NUP50: variants seen among roughly 807,000 people sequenced by gnomAD.
NUP50 encodes nuclear pore complex protein Nup50.
A neutral mutation model predicts 36.8 loss-of-function variants in NUP50; 14 were observed. The observed-to-expected ratio is 0.38, with a 90% CI of 0.25 to 0.59. NUP50 has a LOEUF of 0.59. Among genes scored for constraint, NUP50 ranks in the 20% least tolerant of loss-of-function variants. The pLI is 0.63. For synonymous variants in NUP50, 195 were observed against 210.8 expected, an observed-to-expected ratio of 0.93 and a Z score of 0.65; for missense variants, 455 against 564.6, an observed-to-expected ratio of 0.81 and a Z score of 1.97.
intron 1 of NUP50, among the ~76,000 whole-genome samples, chr22:45,165,448 A>G (rs1476776764): frequency 1.3e-5 from 2 of 152,184 alleles, no homozygotes; most frequent in Admixed American, 6.5e-5. Flanking sequence ...TTATTTTCGT[A>G]GAGACCAAGT....
At chr22:45,169,020 G>A (rs1186559166) in intron 2 of NUP50, among the ~76,000 whole-genome samples, 1 of 149,602 alleles carries the variant, frequency 6.7e-6, no homozygotes, top group Non-Finnish European at 1.5e-5. Context: ...TCCTGCCTCA[G>A]CCTCCCGAGT....
At position 45,184,305 on chromosome 22, in the gene NUP50, G is replaced by A. The variant is rs1415602577; in HGVS notation, c.1205-148G>A. 4 of 728,746 alleles carry A rather than the reference G, an allele frequency of 5.5e-6. No homozygotes were observed. In the East Asian group the frequency reaches 1.1e-4, roughly 20 times the overall value. 45.1% of individuals were successfully genotyped at this position (728,746 alleles called of 1,614,324 possible). On this transcript the variant is annotated intron_variant, in intron 7 of 7. Coordinates refer to ENST00000347635, the MANE Select transcript of NUP50 (RefSeq NM_007172.4). Reference sequence around the variant, plus strand: ...TCCCCGAGGCCTCCCAGTTCTCAGGGAACCAGTCCTGATTTTGTGCTGTCC... The same window carrying A: ...TCCCCGAGGCCTCCCAGTTCTCAGGAAACCAGTCCTGATTTTGTGCTGTCC...
At chr22:45,165,856 G>A (rs1052816988) in intron 1 of NUP50, 7 of 152,190 alleles carry the variant, frequency 4.6e-5, no homozygotes, top group African/African-American at 1.4e-4. Flanking sequence ...AATACTTCCT[G>A]TTCCACAGAT....
chr22:45,175,948 G>A lies in NUP50; in HGVS notation c.208G>A (p.Gly70Arg). 6.2e-7 allele frequency: 1 copy of A among 1,614,146 alleles called. No homozygotes were observed. Among genetic ancestry groups the A allele is most frequent in the Non-Finnish European group, 8.5e-7 (1 of 1,180,026 alleles). ...GFKGLVVPSG[G>R]GRFSGFGSGA... ...TAAAGGTTTGGTGGTACCTTCTGGA[G>A]GAGGACGCTTTTCTGGATTTGGTAG... The change falls in exon 4 of 8, where the codon GGA becomes AGA. Residue 70 changes from glycine to arginine, a missense_variant. By Grantham distance (125) the Gly-to-Arg change is moderately radical. Around this residue, in one of 3 missense-constraint regions of NUP50, gnomAD observed 166 missense variants for 202.8 expected, o/e 0.82. Coordinates refer to ENST00000347635, the MANE Select transcript of NUP50 (RefSeq NM_007172.4).
intron 6 of NUP50, among the ~76,000 whole-genome samples, chr22:45,182,964 AGGAG>A (rs1404604879): frequency 2.7e-5 from 4 of 150,182 alleles, no homozygotes; most frequent in African/African-American, 4.9e-5. Flanking sequence ...CAAAAAAAAA[AGGAG>A]GGAGAGGTGG....
At chr22:45,165,229 T>C (rs2074077148) in intron 1 of NUP50, among the ~76,000 whole-genome samples, 1 of 152,178 alleles carries the variant, frequency 6.6e-6, no homozygotes, top group African/African-American at 2.4e-5. Flanking sequence ...ACGCAAACGT[T>C]TTTTAAATTC....
intron 1 of NUP50, among the ~76,000 whole-genome samples, chr22:45,165,504 G>C (rs2074081491): frequency 6.6e-6 from 1 of 152,172 alleles, no homozygotes; most frequent in Non-Finnish European, 1.5e-5. Context: ...CCTCCCTTAA[G>C]TTCTTCATAA....
intron 5 of NUP50, among the ~76,000 whole-genome samples, chr22:45,180,952 TC>T (rs1339849694): frequency 6.6e-6 from 1 of 152,184 alleles, no homozygotes. Context: ...GATGGAATTT[TC>T]CAGTGGGTAA....
intron 5 of NUP50, 146 bp from the exon 6 acceptor site, chr22:45,181,140 C>T: frequency 1.3e-5 from 2 of 158,230 alleles, no homozygotes; most frequent in Middle Eastern, 2.5e-3. Context: ...TGGCATCCCC[C>T]CCCCCCCCCA....
intron 1 of NUP50, 33 bp from the exon 2 acceptor site, chr22:45,168,135 G>GA: frequency 6.7e-7 from 1 of 1,484,374 alleles, no homozygotes; most frequent in Non-Finnish European, 9.3e-7. Context: ...TATTCTTCTA[G>GA]AAAAATAAAC....
At chr22:45,181,400 T>G in intron 6 of NUP50, 33 bp downstream of exon 6, 5 of 1,421,576 alleles carry the variant, frequency 3.5e-6, no homozygotes, top group Non-Finnish European at 4.8e-6. Flanking sequence ...GGCGCATGTG[T>G]TTTGCAGGCA....
At chr22:45,176,741 G>T (rs2074282461) in intron 4 of NUP50, among the ~76,000 whole-genome samples, 2 of 152,138 alleles carry the variant, frequency 1.3e-5, no homozygotes. Flanking sequence ...GTTAAGTTTT[G>T]TTGTTGTTGT....
intron 7 of NUP50, chr22:45,183,918 G>A (rs1375683872): frequency 4.7e-6 from 1 of 214,328 alleles, no homozygotes; most frequent in African/African-American, 2.3e-5. Context: ...CGGAGGAGGA[G>A]GAAGACGGGG....
chr22:45,184,751 A>G lies in NUP50; in HGVS notation c.*96A>G, dbSNP rs955410573. 8.1e-6 allele frequency: 7 copies of G among 867,348 alleles called. No homozygotes were observed. The African/African-American group carries it at 1.2e-4, about 15-fold the overall frequency. The allele number at this position is 867,348 out of a possible 1,614,324, so 53.7% of individuals were successfully genotyped here. ...TTTTCTTCTCTTCTTTGACATTCTA[A>G]GAACTTATAGATAACTTAAAACTTT... On this transcript the variant is annotated 3_prime_UTR_variant, in exon 8 of 8. Transcript: ENST00000347635.
intron 2 of NUP50, chr22:45,171,193 C>G (rs1410673884): frequency 2.6e-6 from 3 of 1,141,642 alleles, no homozygotes; most frequent in Admixed American, 8.5e-5. Flanking sequence ...TTATAAATAA[C>G]AAAATTTATT....
chr22:45,177,157 G>A (rs1174910606), intron 4 of NUP50, among the ~76,000 whole-genome samples: 1 of 152,138 alleles, frequency 6.6e-6, no homozygotes, highest in Non-Finnish European at 1.5e-5. Context: ...GGAAAAGTGA[G>A]TGTTCGTATC....
intron 1 of NUP50, among the ~76,000 whole-genome samples, chr22:45,165,113 A>G (rs916568207): frequency 2.0e-4 from 30 of 152,174 alleles, no homozygotes; most frequent in Admixed American, 1.3e-3. Flanking sequence ...CCACATAACT[A>G]TATCAGGCAC....
chr22:45,165,466 C>T (rs953560653), intron 1 of NUP50, among the ~76,000 whole-genome samples: 1 of 152,180 alleles, frequency 6.6e-6, no homozygotes, highest in Non-Finnish European at 1.5e-5. Context: ...AGTTGGTTTC[C>T]AACTCCTGGC....
intron 3 of NUP50, chr22:45,172,233 G>T (rs2074206719): frequency 6.5e-6 from 1 of 153,290 alleles, no homozygotes; most frequent in African/African-American, 2.4e-5. Flanking sequence ...TCTCCCTTCA[G>T]ATACATTCTA....
Sources: gnomAD v4.1 joint callset for allele counts (sites outside exome capture counted in the v4.1 genomes callset) on GRCh38, gnomAD v4.1.1 for gene constraint, gnomAD v4.1.1 regional missense constraint, MANE v1.5 for transcripts, NCBI Gene and HGNC (gene_info 2026-07-23, HGNC 2026-07-21) for gene names.